The following PRH1 variants were observed in gnomAD, a reference collection of about 807,000 sequenced individuals.
PRH1 encodes the protein proline rich protein HaeIII subfamily 1.
PRH1 carries 7 observed loss-of-function variants against 7.9 expected under a neutral mutation model. That is an observed-to-expected ratio of 0.89 (90% CI 0.50 to 1.67). The LOEUF is 1.67. Among genes scored for constraint, PRH1 ranks in the 40% most tolerant of loss-of-function variants. The pLI is 0.00. For missense variants in PRH1, 109 were observed against 223.6 expected (o/e 0.49, Z 3.27); for synonymous variants, 45 against 80.8 (o/e 0.56, Z 2.38).
At chr12:10,989,188 C>T (rs902892708) in intron 1 of PRH1, among the ~76,000 whole-genome samples, 2 of 152,182 alleles carry the variant, frequency 1.3e-5, no homozygotes, top group East Asian at 3.9e-4. Context: ...AACCTTTAAG[C>T]CATATGTAGG....
intron 1 of PRH1, chr12:11,091,563 C>G (rs1273969785): frequency 7.0e-7 from 1 of 1,426,790 alleles, no homozygotes; most frequent in Admixed American, 1.8e-5. Flanking sequence ...TTTATGTGGA[C>G]CTTGGTGCTG....
chr12:10,988,065 A>G (rs896054596), intron 1 of PRH1, among the ~76,000 whole-genome samples: 4 of 152,140 alleles, frequency 2.6e-5, no homozygotes, highest in African/African-American at 9.7e-5. Context: ...ATGAAAACTA[A>G]TGGAGTCAGT....
intron 1 of PRH1, among the ~76,000 whole-genome samples, chr12:11,042,221 C>T (rs752015638): frequency 1.3e-4 from 19 of 151,660 alleles, no homozygotes; most frequent in Non-Finnish European, 2.4e-4. Context: ...CATTGACAAA[C>T]GTTTAGGCAG....
chr12:10,961,401 C>T (rs1938228871), intron 2 of PRH1, among the ~76,000 whole-genome samples: 1 of 151,010 alleles, frequency 6.6e-6, no homozygotes, highest in East Asian at 1.9e-4. Context: ...CAGCATGCAA[C>T]AGGAAGACTA....
intron 1 of PRH1, among the ~76,000 whole-genome samples, chr12:11,065,306 T>A (rs1943761101): frequency 6.6e-6 from 1 of 152,132 alleles, no homozygotes; most frequent in Non-Finnish European, 1.5e-5. Flanking sequence ...TTGGTTTTAG[T>A]TATCTTGTCT....
intron 1 of PRH1, among the ~76,000 whole-genome samples, chr12:11,163,253 G>GA (rs1213642828): frequency 6.6e-6 from 1 of 152,128 alleles, no homozygotes; most frequent in Non-Finnish European, 1.5e-5. Flanking sequence ...TGACAGGAAA[G>GA]AAGCTAGGCT....
rs56985810 is a variant in PRH1, at chr12:11,022,478, C to T, written c.-126+24542G>A. 6.6e-3 allele frequency: 10,636 copies of T among 1,613,520 alleles called. 594 individuals are homozygous for T. In the African/African-American group the frequency reaches 0.12, roughly 18 times the overall value. ...TTTCGTGTGTTAACCCAGTCAATGA[C>T]ATTTACTAGGGCTATGAAGCCATTG... On this transcript the variant is annotated intron_variant, in intron 1 of 3. Coordinates refer to the PRH1 transcript ENST00000539853.
At chr12:10,960,100 C>G (rs1938166424) in intron 2 of PRH1, among the ~76,000 whole-genome samples, 1 of 152,204 alleles carries the variant, frequency 6.6e-6, no homozygotes. Context: ...CAGCAACAGC[C>G]TCATTGGATT....
intron 2 of PRH1, among the ~76,000 whole-genome samples, chr12:10,907,157 T>C (rs1565462849): frequency 1.3e-5 from 2 of 152,162 alleles, no homozygotes; most frequent in African/African-American, 4.8e-5. Context: ...TAGTATGAAA[T>C]GGTGCAACCA....
chr12:11,161,263 A>G (rs1947404808), intron 1 of PRH1, among the ~76,000 whole-genome samples: 1 of 152,234 alleles, frequency 6.6e-6, no homozygotes, highest in South Asian at 2.1e-4. Flanking sequence ...TACCATTAAA[A>G]GAACAAAATT....
chr12:11,157,553 C>T (rs904738545), intron 1 of PRH1, among the ~76,000 whole-genome samples: 1 of 152,138 alleles, frequency 6.6e-6, no homozygotes, highest in African/African-American at 2.4e-5. Context: ...TATACAAATG[C>T]TATTTACACT....
intron 2 of PRH1, among the ~76,000 whole-genome samples, chr12:10,963,936 A>G (rs1938376633): frequency 6.6e-6 from 1 of 152,238 alleles, no homozygotes; most frequent in South Asian, 2.1e-4. Flanking sequence ...ATTGATTTAG[A>G]TTAGAATGCG....
chr12:11,028,941 C>T (rs1291020620), intron 1 of PRH1, among the ~76,000 whole-genome samples: 3 of 152,276 alleles, frequency 2.0e-5, no homozygotes, highest in South Asian at 2.1e-4. Flanking sequence ...GTTTCCTTTT[C>T]ACTGGTTTAC....
At chr12:11,105,551 G>A (rs1175588102) in intron 1 of PRH1, among the ~76,000 whole-genome samples, 2 of 152,126 alleles carry the variant, frequency 1.3e-5, no homozygotes, top group African/African-American at 2.4e-5. Context: ...CAAACACAAC[G>A]TCCTTGCTGT....
intron 3 of PRH1, among the ~76,000 whole-genome samples, chr12:10,881,676 G>A (rs1188782614): frequency 2.0e-5 from 3 of 152,202 alleles, no homozygotes; most frequent in Non-Finnish European, 4.4e-5. Context: ...AAGGATAGAA[G>A]GGAGGAAAGA....
chr12:11,139,777 A>G (rs1946654269), intron 1 of PRH1, among the ~76,000 whole-genome samples: 1 of 152,162 alleles, frequency 6.6e-6, no homozygotes, highest in Non-Finnish European at 1.5e-5. Flanking sequence ...AAGAGTGTAA[A>G]TACTGGGTTT....
intron 2 of PRH1, among the ~76,000 whole-genome samples, chr12:10,901,424 A>G (rs1565459270): frequency 6.6e-6 from 1 of 152,172 alleles, no homozygotes; most frequent in East Asian, 1.9e-4. Flanking sequence ...GTCACTTGGT[A>G]GCCACTCAGT....
intron 1 of PRH1, chr12:11,031,216 C>T (rs772959945): frequency 2.5e-6 from 4 of 1,614,002 alleles, no homozygotes; most frequent in African/African-American, 1.3e-5. Flanking sequence ...CAAAAGAGAT[C>T]TTTTGTCTCT....
At chr12:11,030,656 G>A (rs10845293) in intron 1 of PRH1, 786,762 of 1,606,516 alleles carry the variant, frequency 0.49, 198,239 homozygotes, top group Non-Finnish European at 0.53. Context: ...AGTTTGCAAA[G>A]CTTTTATGTG....
Sources: gnomAD v4.1 joint callset for allele counts (sites outside exome capture counted in the v4.1 genomes callset) on GRCh38, gnomAD v4.1.1 for gene constraint, MANE v1.5 for transcripts, NCBI Gene and HGNC (gene_info 2026-07-23, HGNC 2026-07-21) for gene names.